Variants in ASTN2 observed in about 807,000 individuals in gnomAD.
The protein encoded by ASTN2 is astrotactin 2, also known as astrotactin-2.
ASTN2 carries 54 observed loss-of-function variants against 139.8 expected under a neutral mutation model. The ratio of observed to expected loss-of-function variants is 0.39; its 90% CI spans 0.31 to 0.48. The LOEUF (loss-of-function observed/expected upper bound fraction) is 0.48, where lower values mean the gene tolerates loss of function less well. Among genes scored for constraint, ASTN2 ranks in the 20% least tolerant of loss-of-function variants. The pLI, the probability that ASTN2 is intolerant of heterozygous loss-of-function variation, is 0.95. For missense variants in ASTN2, 1,565 were observed against 1,725.1 expected, an observed-to-expected ratio of 0.91 and a Z score of 1.64; for synonymous variants, 756 against 719.5, an observed-to-expected ratio of 1.05 and a Z score of -0.81.
At chr9:117,052,003 T>C (rs770991940) in intron 5 of ASTN2, among the ~76,000 whole-genome samples, 26 of 152,216 alleles carry the variant, frequency 1.7e-4, no homozygotes, top group Non-Finnish European at 3.4e-4. Flanking sequence ...CAGTAGATTA[T>C]GGCAGAGGAA....
intron 1 of ASTN2, among the ~76,000 whole-genome samples, chr9:117,372,026 T>C (rs1830003848): frequency 6.6e-6 from 1 of 152,126 alleles, no homozygotes; most frequent in Admixed American, 6.5e-5. Context: ...GGTAGACTGG[T>C]CCTAACTGAG....
intron 10 of ASTN2, among the ~76,000 whole-genome samples, chr9:116,871,958 G>A (rs1472155410): frequency 6.6e-6 from 1 of 152,108 alleles, no homozygotes; most frequent in East Asian, 1.9e-4. Flanking sequence ...CTCAGTATGA[G>A]ACCTTGGGCA....
intron 4 of ASTN2, among the ~76,000 whole-genome samples, chr9:117,101,836 A>G (rs191147486): frequency 1.3e-5 from 2 of 152,334 alleles, no homozygotes; most frequent in East Asian, 3.9e-4. Flanking sequence ...TAGATATCAC[A>G]TCATACCCAC....
intron 3 of ASTN2, among the ~76,000 whole-genome samples, chr9:117,158,322 G>A (rs564482046): frequency 6.6e-6 from 1 of 152,116 alleles, no homozygotes; most frequent in Admixed American, 6.6e-5. Flanking sequence ...GGTTAGAATG[G>A]GCAAGAATGA....
intron 2 of ASTN2, among the ~76,000 whole-genome samples, chr9:117,248,124 T>C (rs898925893): frequency 6.6e-6 from 1 of 152,306 alleles, no homozygotes; most frequent in East Asian, 1.9e-4. Flanking sequence ...AAGAATGAGA[T>C]ATAGTCTCTG....
intron 3 of ASTN2, among the ~76,000 whole-genome samples, chr9:117,166,791 A>G (rs1446345415): frequency 6.6e-6 from 1 of 152,062 alleles, no homozygotes; most frequent in Non-Finnish European, 1.5e-5. Context: ...TCTTCCCCAT[A>G]GACTGCAAAC....
intron 19 of ASTN2, among the ~76,000 whole-genome samples, chr9:116,605,202 T>C (rs1034201702): frequency 6.6e-6 from 1 of 152,038 alleles, no homozygotes; most frequent in Non-Finnish European, 1.5e-5. Flanking sequence ...GCAAGAGTGA[T>C]ACTGATCGGG....
intron 11 of ASTN2, among the ~76,000 whole-genome samples, chr9:116,840,866 C>T (rs1254260941): frequency 6.6e-6 from 1 of 151,392 alleles, no homozygotes; most frequent in African/African-American, 2.4e-5. Flanking sequence ...GGATGGCGGC[C>T]GGGTAGAGAC....
chr9:116,790,974 A>AAGAAAGAAGGAAG (rs1830523261), intron 13 of ASTN2, among the ~76,000 whole-genome samples: 1 of 46,570 alleles, frequency 2.1e-5, no homozygotes, highest in Non-Finnish European at 4.3e-5. Context: ...AAGGAAAGAA[A>AAGAAAGAAGGAAG]GAAAGAAAGA....
intron 10 of ASTN2, among the ~76,000 whole-genome samples, chr9:116,887,574 T>C (rs907437757): frequency 6.6e-6 from 1 of 152,078 alleles, no homozygotes. Flanking sequence ...ACAGTAAGAA[T>C]TTTGAGTTTT....
At chr9:117,312,701 G>T (rs529462048) in intron 1 of ASTN2, among the ~76,000 whole-genome samples, 2 of 152,060 alleles carry the variant, frequency 1.3e-5, no homozygotes. Context: ...AAAACTCAGG[G>T]TCCAGGGCTC....
At position 117,003,639 on chromosome 9, in the gene ASTN2, T is replaced by A. The variant is rs1489522510; in HGVS notation, c.1591+4453A>T. Among the ~76,000 whole-genome samples, 3 of 149,046 alleles carry A rather than the reference T, an allele frequency of 2.0e-5. No homozygotes were observed. The Admixed American group carries it at 2.0e-4, about 10-fold the overall frequency. ...ACCTTGGATGACCCGCTGTTTAGAA[T>A]TATGCCCTCAAGCCTGTGTCTAATG... is the stretch of plus-strand genomic sequence containing the variant. On this transcript the variant is annotated intron_variant, in intron 7 of 22. Coordinates refer to ENST00000313400, the MANE Select transcript of ASTN2 (RefSeq NM_001365068.1).
intron 6 of ASTN2, among the ~76,000 whole-genome samples, chr9:117,033,581 T>C (rs1838305957): frequency 6.6e-6 from 1 of 152,094 alleles, no homozygotes; most frequent in Admixed American, 6.6e-5. Flanking sequence ...TCTTCTCCCA[T>C]CCCTGACCAT....
chr9:116,881,472 C>T (rs13295489), intron 10 of ASTN2, among the ~76,000 whole-genome samples: 2 of 152,208 alleles, frequency 1.3e-5, no homozygotes, highest in African/African-American at 4.8e-5. Flanking sequence ...TCACTAGTCT[C>T]TCTGACTTCA....
intron 17 of ASTN2, among the ~76,000 whole-genome samples, chr9:116,633,574 G>A (rs1856914612): frequency 6.6e-6 from 1 of 152,232 alleles, no homozygotes; most frequent in Non-Finnish European, 1.5e-5. Flanking sequence ...TTCAAGTGAA[G>A]GATTTGTCCA....
At chr9:116,819,562 A>G (rs557901845) in intron 12 of ASTN2, among the ~76,000 whole-genome samples, 1 of 152,282 alleles carries the variant, frequency 6.6e-6, no homozygotes, top group East Asian at 1.9e-4. Flanking sequence ...TTTTTCTGGT[A>G]AACTGGAATT....
chr9:116,913,475 AC>A (rs1834368199), intron 10 of ASTN2, among the ~76,000 whole-genome samples: 1 of 151,852 alleles, frequency 6.6e-6, no homozygotes, highest in Admixed American at 6.6e-5. Context: ...TTCCCATGAA[AC>A]CCCGCTGGCT....
At chr9:117,028,267 C>A (rs892245052) in intron 6 of ASTN2, among the ~76,000 whole-genome samples, 2 of 152,128 alleles carry the variant, frequency 1.3e-5, no homozygotes, top group African/African-American at 4.8e-5. Flanking sequence ...TGATGAGATG[C>A]CCCAGCCATT....
chr9:117,408,906 G>C (rs1185110600), intron 1 of ASTN2, among the ~76,000 whole-genome samples: 1 of 152,148 alleles, frequency 6.6e-6, no homozygotes, highest in East Asian at 1.9e-4. Flanking sequence ...GGAAAGAAGT[G>C]GGGTAGGGTA....
Sources: gnomAD v4.1 joint callset for allele counts (sites outside exome capture counted in the v4.1 genomes callset) on GRCh38, gnomAD v4.1.1 for gene constraint, MANE v1.5 for transcripts, NCBI Gene and HGNC (gene_info 2026-07-23, HGNC 2026-07-21) for gene names.